Variants in ABHD2 observed in about 807,000 individuals in gnomAD.
ABHD2 encodes the protein abhydrolase domain containing 2, acylglycerol lipase.
Under a neutral mutation model 48.1 loss-of-function variants are expected in ABHD2, and 20 were observed. That is an observed-to-expected ratio of 0.42 (90% CI 0.29 to 0.60). ABHD2 has a LOEUF of 0.60. ABHD2 is among the 20% of genes least tolerant of loss of function. The pLI is 0.24. For missense variants in ABHD2, 405 were observed against 550.9 expected (o/e 0.74, Z 2.65); for synonymous variants, 209 against 214.2 (o/e 0.98, Z 0.21).
chr15:89,162,366 C>G (rs1358167094), intron 5 of ABHD2, among the ~76,000 whole-genome samples: 2 of 152,110 alleles, frequency 1.3e-5, no homozygotes, highest in African/African-American at 4.8e-5. Context: ...TCTCTTATGC[C>G]ACTTTTCGAT....
chr15:89,058,307 C>G, the ABHD2 span, among the ~76,000 whole-genome samples: 2 of 152,192 alleles, frequency 1.3e-5, no homozygotes, highest in Admixed American at 6.5e-5. Context: ...TTCCTCCACA[C>G]CCACACCCCT....
chr15:89,159,180 C>CTTACTAGAAGTGTGAAAACGT (rs1201660540), intron 5 of ABHD2, among the ~76,000 whole-genome samples: 1 of 151,874 alleles, frequency 6.6e-6, no homozygotes, highest in East Asian at 1.9e-4. Context: ...AGTTTGAGAG[C>CTTACTAGAAGTGTGAAAACGT]AGCCTGGCCA....
chr15:89,159,213 C>T (rs2050724514), intron 5 of ABHD2, among the ~76,000 whole-genome samples: 2 of 151,952 alleles, frequency 1.3e-5, no homozygotes, highest in South Asian at 4.2e-4. Context: ...CCTGTGTCTA[C>T]TACAAACACA....
chr15:89,108,714 T>C (rs1396870276), intron 1 of ABHD2, among the ~76,000 whole-genome samples: 2 of 152,214 alleles, frequency 1.3e-5, no homozygotes, highest in African/African-American at 2.4e-5. Context: ...TATGATGAAA[T>C]TATTGGCACA....
At chr15:89,180,312 ACT>A (rs1362721522) in intron 6 of ABHD2, among the ~76,000 whole-genome samples, 1 of 151,454 alleles carries the variant, frequency 6.6e-6, no homozygotes, top group Admixed American at 6.6e-5. Flanking sequence ...ATAATGAGAG[ACT>A]CTAACTCATT....
the ABHD2 span, among the ~76,000 whole-genome samples, chr15:89,056,279 TGC>T: frequency 6.6e-6 from 1 of 152,208 alleles, no homozygotes; most frequent in Non-Finnish European, 1.5e-5. Flanking sequence ...CTGTTAATAT[TGC>T]TCACCTCAGG....
the ABHD2 span, among the ~76,000 whole-genome samples, chr15:89,076,922 G>T: frequency 6.6e-6 from 1 of 152,166 alleles, no homozygotes; most frequent in African/African-American, 2.4e-5. Flanking sequence ...AAAGACCCTT[G>T]TTCTCTGGAT....
chr15:89,193,224 T>A lies in ABHD2; in HGVS notation c.997-11T>A. The A allele has an allele frequency of 1.2e-6, 2 of 1,613,686 alleles. No individual in the cohort carries two copies. The highest frequency in any genetic ancestry group is 1.7e-6 in the Non-Finnish European group (2 of 1,179,528). On this transcript the variant is annotated splice_polypyrimidine_tract_variant and intron_variant, in intron 9 of 10. Transcript: ENST00000352732. ...TCAGTAGTTTAATTCTGCTTTATGT[T>A]CTTGTTGCAGATTTATGTTCCTCTC...
chr15:89,098,999 G>A (rs1301421821), intron 1 of ABHD2, among the ~76,000 whole-genome samples: 2 of 152,190 alleles, frequency 1.3e-5, no homozygotes, highest in Non-Finnish European at 2.9e-5. Context: ...ATGGATGGGT[G>A]CCTTGCTTCT....
chr15:89,139,429 T>A (rs1419889611), intron 3 of ABHD2, among the ~76,000 whole-genome samples: 1 of 152,212 alleles, frequency 6.6e-6, no homozygotes, highest in African/African-American at 2.4e-5. Context: ...TGACAGTAGC[T>A]GCCTGTGTAT....
At position 89,200,640 on chromosome 15, in the gene ABHD2, C is replaced by T. The variant is rs950277639; in HGVS notation, c.*5217C>T. 1.7e-5 allele frequency: 3 copies of T among 171,604 alleles called. No homozygotes were observed. The highest frequency in any genetic ancestry group is 1.2e-4 in the Admixed American group (2 of 16,730). 10.6% of individuals were successfully genotyped at this position (171,604 alleles called of 1,614,324 possible). On this transcript the variant is annotated 3_prime_UTR_variant, in exon 11 of 11. Transcript: ENST00000352732. ...CCATAAGAGATCATTAAAGGCAAAG[C>T]CTGTATGACGCTGTACACACACAAA...
chr15:89,049,417 C>T, the ABHD2 span, among the ~76,000 whole-genome samples: 1 of 152,230 alleles, frequency 6.6e-6, no homozygotes, highest in African/African-American at 2.4e-5. Context: ...TGGGCTCCAC[C>T]CTGTTCGAGC....
At chr15:89,076,957 C>A in the ABHD2 span, among the ~76,000 whole-genome samples, 2 of 152,154 alleles carry the variant, frequency 1.3e-5, no homozygotes, top group African/African-American at 4.8e-5. Context: ...GGGGGTAGGT[C>A]CTCAAATCAG....
At chr15:89,121,851 C>CA (rs771791198) in intron 3 of ABHD2, among the ~76,000 whole-genome samples, 6 of 152,166 alleles carry the variant, frequency 3.9e-5, no homozygotes, top group Non-Finnish European at 7.3e-5. Context: ...TTTTAAGAGA[C>CA]AGAGTCTCAC....
At chr15:89,180,544 AG>A (rs1327531908) in intron 6 of ABHD2, among the ~76,000 whole-genome samples, 1 of 152,210 alleles carries the variant, frequency 6.6e-6, no homozygotes, top group East Asian at 1.9e-4. Flanking sequence ...AAGCTGAACT[AG>A]CTGGAGATGA....
intron 3 of ABHD2, among the ~76,000 whole-genome samples, chr15:89,121,011 T>C (rs2050041402): frequency 6.6e-6 from 1 of 152,210 alleles, no homozygotes; most frequent in Non-Finnish European, 1.5e-5. Context: ...CCATGAACAT[T>C]CACCCATGCT....
intron 4 of ABHD2, among the ~76,000 whole-genome samples, chr15:89,154,938 C>T (rs2050647318): frequency 6.6e-6 from 1 of 152,178 alleles, no homozygotes; most frequent in African/African-American, 2.4e-5. Context: ...GAGGTCTGTG[C>T]AAACACCACT....
the ABHD2 span, among the ~76,000 whole-genome samples, chr15:89,072,943 T>C: frequency 1.3e-5 from 2 of 152,208 alleles, no homozygotes; most frequent in African/African-American, 4.8e-5. Flanking sequence ...ATTTAATTTT[T>C]AACTAGTAAG....
In ABHD2 at chr15:89,172,558, A is replaced by G. The variant is rs1007736484; in HGVS notation, c.539-3254A>G. On this transcript the variant is annotated intron_variant, in intron 5 of 10. Transcript: ENST00000352732. ...CTTGGGTTGGTTCCACTTTTTGGCT[A>G]TTGTGAATAATGCTGCTATAAACAT... Among the ~76,000 whole-genome samples, 6 of 152,244 alleles carry G rather than the reference A, an allele frequency of 3.9e-5. No individual in the cohort carries two copies. In the South Asian group the frequency reaches 6.2e-4, roughly 16 times the overall value.
Sources: gnomAD v4.1 joint callset for allele counts (sites outside exome capture counted in the v4.1 genomes callset) on GRCh38, gnomAD v4.1.1 for gene constraint, MANE v1.5 for transcripts, NCBI Gene and HGNC (gene_info 2026-07-23, HGNC 2026-07-21) for gene names.